The following GOSR1 variants were observed in gnomAD, a reference collection of about 807,000 sequenced individuals.
GOSR1 encodes golgi SNAP receptor complex member 1, also known as 28 kDa Golgi SNARE protein.
In GOSR1, 21 loss-of-function variants were observed where a neutral mutation model predicts 35.5. That is an observed-to-expected ratio of 0.59 (90% CI 0.42 to 0.85). GOSR1 has a LOEUF of 0.85. GOSR1 is among the 40% of genes least tolerant of loss of function. The pLI is 0.00. For synonymous variants in GOSR1, 94 were observed against 106.6 expected (o/e 0.88, Z 0.73); for missense variants, 285 against 309.6 (o/e 0.92, Z 0.60).
intron 7 of GOSR1, among the ~76,000 whole-genome samples, chr17:30,519,302 C>G (rs1333712918): frequency 1.6e-4 from 24 of 152,166 alleles, no homozygotes; most frequent in Non-Finnish European, 2.9e-5. Flanking sequence ...ATCCTCCCAC[C>G]TCGGTCTTCC....
intron 6 of GOSR1, 127 bp downstream of exon 6, chr17:30,492,880 TA>T (rs1489568597): frequency 3.3e-6 from 2 of 606,176 alleles, no homozygotes; most frequent in Admixed American, 2.9e-5. Flanking sequence ...TTTATTCTCC[TA>T]ATGACTCTTT....
rs8070897 is a variant in GOSR1 at position 30,520,094 on chromosome 17, G to A, written c.622+73G>A. On this transcript the variant is annotated intron_variant, in intron 8 of 8. Transcript: ENST00000451249. ...GAAGTGTCTGTGTGTGCTTTTATAG[G>A]GGGCAGGTTGCCATCATCAGTAGCA... The A allele has an allele frequency of 3.2e-3, 2,996 of 932,098 alleles. 54 individuals are homozygous for A. In the African/African-American group the frequency reaches 0.043, roughly 14 times the overall value. 57.7% of individuals were successfully genotyped at this position (932,098 alleles called of 1,614,324 possible).
chr17:30,495,741 C>T (rs1567905028), intron 6 of GOSR1, among the ~76,000 whole-genome samples: 2 of 152,214 alleles, frequency 1.3e-5, no homozygotes, highest in Non-Finnish European at 2.9e-5. Flanking sequence ...CTGAAATACT[C>T]CCAACATTGG....
Position 30,523,942 on chromosome 17 carries a change from T to C in GOSR1, c.*1564T>C, listed in dbSNP as rs1318849156. ...CCCCAACCTGGTGCTCTCTGAAACA[T>C]GTGCTGTGTCCACTCAGGGTTAAAT... On this transcript the variant is annotated 3_prime_UTR_variant, in exon 9 of 9. Coordinates refer to ENST00000451249, the MANE Select transcript of GOSR1 (RefSeq NM_001007025.2). 3 of 221,602 alleles carry C rather than the reference T, an allele frequency of 1.4e-5. No homozygotes were observed. The highest frequency in any genetic ancestry group is 4.8e-5 in the African/African-American group (2 of 41,786). 13.7% of individuals were successfully genotyped at this position (221,602 alleles called of 1,614,324 possible).
intron 8 of GOSR1, among the ~76,000 whole-genome samples, chr17:30,521,551 A>G (rs1179246019): frequency 2.6e-5 from 4 of 151,498 alleles, no homozygotes; most frequent in Non-Finnish European, 4.4e-5. Context: ...CAAATAAGTC[A>G]CATGGGAATT....
At chr17:30,490,381 A>G (rs1178609598) in intron 5 of GOSR1, 164 bp downstream of exon 5, 2 of 486,704 alleles carry the variant, frequency 4.1e-6, no homozygotes, top group Non-Finnish European at 3.7e-6. Flanking sequence ...ATGTCATCCT[A>G]ATCTACTTTT....
Position 30,477,446 on chromosome 17 carries a change from A to ACAAAGATC in GOSR1, c.14_15insAAAGATCC (p.Ser6LysfsTer23). ...TTGGACGACAAAGATGGCGGCAGGG[A>ACAAAGATC]CCAGCAGTTACTGGGAAGGTGAGGG... On this transcript the variant is annotated frameshift_variant, in exon 1 of 9. Transcript: ENST00000451249. LOFTEE classifies it high-confidence loss of function. The ACAAAGATC allele has an allele frequency of 1.2e-6, 2 of 1,608,850 alleles. No individual in the cohort carries two copies.
intron 4 of GOSR1, among the ~76,000 whole-genome samples, chr17:30,486,175 A>G (rs1914671985): frequency 6.6e-6 from 1 of 152,174 alleles, no homozygotes; most frequent in Non-Finnish European, 1.5e-5. Flanking sequence ...CTACAAATGT[A>G]TAACGTTGTT....
chr17:30,512,035 C>G (rs1597794053), intron 7 of GOSR1, among the ~76,000 whole-genome samples: 1 of 152,114 alleles, frequency 6.6e-6, no homozygotes, highest in Non-Finnish European at 1.5e-5. Context: ...AGTCTTAGTC[C>G]AACTCTAGAA....
intron 2 of GOSR1, among the ~76,000 whole-genome samples, chr17:30,483,608 A>G (rs1332335446): frequency 1.3e-5 from 2 of 152,220 alleles, no homozygotes; most frequent in African/African-American, 2.4e-5. Flanking sequence ...GACTATAGTC[A>G]TTGCCTGGGC....
intron 2 of GOSR1, among the ~76,000 whole-genome samples, chr17:30,483,572 A>G (rs779214150): frequency 3.9e-5 from 6 of 152,248 alleles, no homozygotes; most frequent in Non-Finnish European, 7.3e-5. Flanking sequence ...GTCACAGGGT[A>G]GCACAAAGTC....
At chr17:30,494,493 T>C (rs73279530) in intron 6 of GOSR1, among the ~76,000 whole-genome samples, 2,761 of 152,324 alleles carry the variant, frequency 0.018, 87 homozygotes, top group African/African-American at 0.063. Flanking sequence ...AATTTCTCTT[T>C]CTTTATGTAA....
chr17:30,523,722 G>A lies in GOSR1; in HGVS notation c.*1344G>A. 5.0e-6 allele frequency: 1 copy of A among 198,428 alleles called. No homozygotes were observed. Among genetic ancestry groups the A allele is most frequent in the South Asian group, 8.4e-5 (1 of 11,874 alleles). The allele number at this position is 198,428 out of a possible 1,614,324, so 12.3% of individuals were successfully genotyped here. A position where few individuals can be genotyped will look rare whatever the true frequency, so the allele number is the denominator to read the frequency against. ...CCACCCCATCTGGGAGGTGTGCCCA[G>A]CAGCTCATTGAGAACGGGCCATGAT... On this transcript the variant is annotated 3_prime_UTR_variant, in exon 9 of 9. Transcript: ENST00000451249.
In GOSR1 at chr17:30,522,234, TTAA is replaced by T; in HGVS notation, c.623-16_623-14del. On this transcript the variant is annotated splice_polypyrimidine_tract_variant and intron_variant, in intron 8 of 8. Coordinates refer to ENST00000451249, the MANE Select transcript of GOSR1 (RefSeq NM_001007025.2). Reference sequence around the variant, plus strand: ...AGAGAGGCTTCTTCCAAATATGACCTTAATAAAGATTTCCCAAAGATCGTTTTC... The same window carrying T: ...AGAGAGGCTTCTTCCAAATATGACCTTAAAGATTTCCCAAAGATCGTTTTC... The T allele has an allele frequency of 6.3e-7, 1 of 1,586,826 alleles. No homozygotes were observed. Among genetic ancestry groups the T allele is most frequent in the Non-Finnish European group, 8.6e-7 (1 of 1,167,560 alleles).
rs200795299 is a variant in GOSR1 at position 30,524,067 on chromosome 17, A to C, written c.*1689A>C. On this transcript the variant is annotated 3_prime_UTR_variant, in exon 9 of 9. Transcript: ENST00000451249. ...ACTCCCTAATCTCAAGTACCCAGGG[A>C]CACAAACACTGCGGAAGGCGGCAGG... 27 of 174,624 alleles carry C rather than the reference A, an allele frequency of 1.5e-4. 1 individual carries two copies. The East Asian group carries it at 2.4e-3, about 15-fold the overall frequency. 10.8% of individuals were successfully genotyped at this position (174,624 alleles called of 1,614,324 possible). A position where few individuals can be genotyped will look rare whatever the true frequency, so the allele number is the denominator to read the frequency against.
chr17:30,504,619 A>G (rs1399868619), intron 6 of GOSR1, among the ~76,000 whole-genome samples: 1 of 152,242 alleles, frequency 6.6e-6, no homozygotes, highest in Non-Finnish European at 1.5e-5. Flanking sequence ...AAATTGGTCA[A>G]AATGTCATTT....
At chr17:30,504,822 TATA>T (rs1967342872) in intron 6 of GOSR1, among the ~76,000 whole-genome samples, 1 of 152,326 alleles carries the variant, frequency 6.6e-6, no homozygotes, top group Non-Finnish European at 1.5e-5. Context: ...GAATACAAAT[TATA>T]ATGAGTTTAT....
intron 6 of GOSR1, among the ~76,000 whole-genome samples, chr17:30,500,752 A>G (rs1967172836): frequency 6.6e-6 from 1 of 152,248 alleles, no homozygotes; most frequent in South Asian, 2.1e-4. Context: ...CACATTGTTT[A>G]AAAGCCTGCT....
rs866790272 is a variant in GOSR1, at chr17:30,477,741, G to C, written c.31+277G>C. 5 of 985,208 alleles carry C rather than the reference G, an allele frequency of 5.1e-6. No individual in the cohort carries two copies. The African/African-American group carries it at 7.0e-5, about 14-fold the overall frequency. The allele number at this position is 985,208 out of a possible 1,614,324, so 61.0% of individuals were successfully genotyped here. A position where few individuals can be genotyped will look rare whatever the true frequency, so the allele number is the denominator to read the frequency against. The stretch of plus-strand genomic sequence containing the variant: ...GAGGAAGAGGGCTCTCAATCGCCTG[G>C]GTAGAATTGTGTTGAGGGAGTAATG... On this transcript the variant is annotated intron_variant, in intron 1 of 8. Coordinates refer to ENST00000451249, the MANE Select transcript of GOSR1 (RefSeq NM_001007025.2).
Sources: gnomAD v4.1 joint callset for allele counts (sites outside exome capture counted in the v4.1 genomes callset) on GRCh38, gnomAD v4.1.1 for gene constraint, MANE v1.5 for transcripts, NCBI Gene and HGNC (gene_info 2026-07-23, HGNC 2026-07-21) for gene names.